The following CASTOR2 variants were observed in gnomAD, a reference collection of about 807,000 sequenced individuals.
The protein encoded by CASTOR2 is cytosolic arginine sensor for mTORC1 subunit 2, also known as GATS protein like 2.
Under a neutral mutation model 31.2 loss-of-function variants are expected in CASTOR2, and 8 were observed. The observed-to-expected ratio is 0.26, with a 90% CI of 0.15 to 0.46. CASTOR2 has a LOEUF of 0.46. Among genes scored for constraint, CASTOR2 ranks in the 20% least tolerant of loss-of-function variants. CASTOR2 has a pLI of 0.99. For missense variants in CASTOR2, 216 were observed against 382.1 expected (o/e 0.57, Z 3.62); for synonymous variants, 162 against 158.7 (o/e 1.02, Z -0.16).
rs1389890711 is a variant in CASTOR2 at position 75,024,733 on chromosome 7, G to A, written c.*34G>A. Reference sequence around the variant, plus strand: ...CTTCTGCTCCTCCCTGCCGCCGCCCGGGCCCAGCCCTAACCCTGAAGATTG... The same window carrying A: ...CTTCTGCTCCTCCCTGCCGCCGCCCAGGCCCAGCCCTAACCCTGAAGATTG... On this transcript the variant is annotated 3_prime_UTR_variant, in exon 9 of 9. Coordinates refer to ENST00000616305, the MANE Select transcript of CASTOR2 (RefSeq NM_001145064.3). The A allele has an allele frequency of 3.4e-5, 53 of 1,551,530 alleles. No individual in the cohort carries two copies. Among genetic ancestry groups the A allele is most frequent in the Non-Finnish European group, 4.3e-5 (49 of 1,146,834 alleles).
At position 75,013,915 on chromosome 7, in the gene CASTOR2, A is replaced by G. The variant is rs1288379601; in HGVS notation, c.185-3683A>G. ...GCTACTTTTTATATTTTTAGTACAG[A>G]CAAGGTTTCCCCCATGTTGGTCAGG... is the stretch of plus-strand genomic sequence containing the variant. On this transcript the variant is annotated intron_variant, in intron 2 of 8. Transcript: ENST00000616305. 9.2e-5 allele frequency among the ~76,000 whole-genome samples: 14 copies of G among 152,024 alleles called. No individual in the cohort carries two copies. In the East Asian group the frequency reaches 2.7e-3, roughly 30 times the overall value.
intron 1 of CASTOR2, among the ~76,000 whole-genome samples, chr7:74,984,546 G>A (rs1404226565): frequency 6.6e-6 from 1 of 152,066 alleles, no homozygotes; most frequent in East Asian, 1.9e-4. Flanking sequence ...CTTTGGGAGG[G>A]CACCCTCTGA....
chr7:75,014,823 C>T (rs1350083167), intron 2 of CASTOR2, among the ~76,000 whole-genome samples: 2 of 152,222 alleles, frequency 1.3e-5, no homozygotes, highest in Admixed American at 1.3e-4. Flanking sequence ...TGCCAAGAGA[C>T]TCCTAGTGGC....
At chr7:74,992,934 C>T (rs1198461761) in intron 1 of CASTOR2, among the ~76,000 whole-genome samples, 1 of 151,654 alleles carries the variant, frequency 6.6e-6, no homozygotes, top group Non-Finnish European at 1.5e-5. Context: ...GGTGTGGTGA[C>T]TCAGGCCTGT....
chr7:75,025,736 G>C lies in CASTOR2; in HGVS notation c.*1037G>C, dbSNP rs1805110623. 6.6e-6 allele frequency among the ~76,000 whole-genome samples: 1 copy of C among 152,244 alleles called. No individual in the cohort carries two copies. Among genetic ancestry groups the C allele is most frequent in the African/African-American group, 2.4e-5 (1 of 41,462 alleles). On this transcript the variant is annotated 3_prime_UTR_variant, in exon 9 of 9. Transcript: ENST00000616305. Reference sequence around the variant, plus strand: ...ATAGAGAAAACCATACTTTGTTTTAGTTTTTTATTTAATGTATTTGCACCC... The same window carrying C: ...ATAGAGAAAACCATACTTTGTTTTACTTTTTTATTTAATGTATTTGCACCC...
At chr7:75,015,322 T>C (rs1479354711) in intron 2 of CASTOR2, among the ~76,000 whole-genome samples, 1 of 152,192 alleles carries the variant, frequency 6.6e-6, no homozygotes, top group African/African-American at 2.4e-5. Context: ...TAGGCTGGAG[T>C]GCAGTGGTGC....
chr7:74,994,219 C>T (rs1804284159), intron 1 of CASTOR2, among the ~76,000 whole-genome samples: 1 of 152,224 alleles, frequency 6.6e-6, no homozygotes, highest in Non-Finnish European at 1.5e-5. Context: ...TGGTGCTTGG[C>T]TCCAGGCCAA....
At chr7:75,009,555 A>G (rs2131946572) in intron 2 of CASTOR2, among the ~76,000 whole-genome samples, 1 of 152,084 alleles carries the variant, frequency 6.6e-6, no homozygotes, top group Admixed American at 6.6e-5. Flanking sequence ...GGCGTGAGCC[A>G]CCGCGCCCGG....
chr7:74,985,481 T>C (rs2131924897), intron 1 of CASTOR2, among the ~76,000 whole-genome samples: 1 of 150,674 alleles, frequency 6.6e-6, no homozygotes, highest in South Asian at 2.1e-4. Context: ...TTCTGGAGGC[T>C]TAGGTGGGAG....
At chr7:74,965,882 ACTCTCTCT>A (rs1162058092) in intron 1 of CASTOR2, among the ~76,000 whole-genome samples, 418 of 19,032 alleles carry the variant, frequency 0.022, 63 homozygotes, top group Middle Eastern at 0.071. Flanking sequence ...ACACACACAC[ACTCTCTCT>A]CTCTCTCTCT....
At chr7:74,988,890 A>C (rs1584463579) in intron 1 of CASTOR2, among the ~76,000 whole-genome samples, 1 of 151,796 alleles carries the variant, frequency 6.6e-6, no homozygotes, top group Middle Eastern at 3.5e-3. Context: ...GCATTTCAAA[A>C]TGCAGAAGAT....
chr7:75,029,143 G>A lies in CASTOR2; in HGVS notation c.*4444G>A, dbSNP rs1293145350. Among the ~76,000 whole-genome samples, 1 of 152,206 alleles carries A rather than the reference G, an allele frequency of 6.6e-6. No individual in the cohort carries two copies. Among genetic ancestry groups the A allele is most frequent in the Non-Finnish European group, 1.5e-5 (1 of 68,036 alleles). Reference sequence around the variant, plus strand: ...GGCCAGGCCCCTGTTAAAGCCCAGGGCACTATTTGGTGATCTTCAAAGGTG... The same window carrying A: ...GGCCAGGCCCCTGTTAAAGCCCAGGACACTATTTGGTGATCTTCAAAGGTG... On this transcript the variant is annotated 3_prime_UTR_variant, in exon 9 of 9. Coordinates refer to ENST00000616305, the MANE Select transcript of CASTOR2 (RefSeq NM_001145064.3).
chr7:74,988,222 C>CA (rs1382273748), intron 1 of CASTOR2, among the ~76,000 whole-genome samples: 1 of 75,982 alleles, frequency 1.3e-5, no homozygotes, highest in Non-Finnish European at 3.7e-5. Flanking sequence ...CTCTGCCTCC[C>CA]GGGTCAAGCA....
At chr7:75,003,561 T>TA (rs1245606010) in intron 1 of CASTOR2, among the ~76,000 whole-genome samples, 1 of 151,874 alleles carries the variant, frequency 6.6e-6, no homozygotes, top group Non-Finnish European at 1.5e-5. Context: ...CCATCCTGGC[T>TA]AACACGATGA....
chr7:75,009,327 T>C (rs1453018944), intron 2 of CASTOR2, among the ~76,000 whole-genome samples: 4 of 117,152 alleles, frequency 3.4e-5, no homozygotes, highest in African/African-American at 1.4e-4. Flanking sequence ...TGGAGTGCAG[T>C]GGTGTGATCT....
At position 75,020,100 on chromosome 7, in the gene CASTOR2, C is replaced by T. The variant is rs1804958038; in HGVS notation, c.697C>T (p.Leu233Phe). The T allele has an allele frequency of 3.2e-6, 5 of 1,551,412 alleles. No individual in the cohort carries two copies. The African/African-American group carries it at 5.5e-5, about 17-fold the overall frequency. The change falls in exon 6 of 9, where the codon CTC becomes TTC. Residue 233 changes from leucine to phenylalanine, a missense_variant. This residue lies in a region of CASTOR2 where 44 missense variants were observed against 57.5 expected (regional missense o/e 0.76). Coordinates refer to ENST00000616305, the MANE Select transcript of CASTOR2 (RefSeq NM_001145064.3). ...CCACATCCGCTTCTTCTCCTTCTCC[C>T]TCATCGAGGGCTACATCTCCCTGGT... is the stretch of plus-strand genomic sequence containing the variant. ...CGHIRFFSFS[L>F]IEGYISLVMD...
intron 1 of CASTOR2, among the ~76,000 whole-genome samples, chr7:74,991,848 C>A (rs1804218926): frequency 6.6e-6 from 1 of 152,002 alleles, no homozygotes; most frequent in Non-Finnish European, 1.5e-5. Flanking sequence ...TGGAAGCCAT[C>A]CTGGGGCCCT....
chr7:74,999,601 CTTTTTTTTTTTTTTTTTTTTT>C (rs1158456043), intron 1 of CASTOR2, among the ~76,000 whole-genome samples: 28 of 45,760 alleles, frequency 6.1e-4, no homozygotes, highest in Admixed American at 1.4e-3. Flanking sequence ...TCACTCACTG[CTTTTTTTTTTTTTTTTTTTTT>C]TTTTTTTTTT....
At chr7:75,001,543 G>GAGAATT (rs1804495974) in intron 1 of CASTOR2, among the ~76,000 whole-genome samples, 1 of 152,246 alleles carries the variant, frequency 6.6e-6, no homozygotes, top group Non-Finnish European at 1.5e-5. Flanking sequence ...AAGGCGGAGA[G>GAGAATT]AGAATTAGAA....
Sources: gnomAD v4.1 joint callset for allele counts (sites outside exome capture counted in the v4.1 genomes callset) on GRCh38, gnomAD v4.1.1 for gene constraint, gnomAD v4.1.1 regional missense constraint, MANE v1.5 for transcripts, NCBI Gene and HGNC (gene_info 2026-07-23, HGNC 2026-07-21) for gene names.